The following ESR1 variants were observed in gnomAD, a reference collection of about 807,000 sequenced individuals.
ESR1 encodes the protein estrogen receptor.
ESR1 carries 12 observed loss-of-function variants against 52.7 expected under a neutral mutation model. The observed-to-expected ratio is 0.23, with a 90% CI of 0.15 to 0.37. ESR1 has a LOEUF of 0.37. ESR1 is among the 10% of genes least tolerant of loss of function. ESR1 has a pLI of 1.00. For synonymous variants in ESR1, 305 were observed against 316.8 expected (o/e 0.96, Z 0.39); for missense variants, 584 against 779.7 (o/e 0.75, Z 2.99).
chr6:151,996,420 G>A (rs148768139), intron 4 of ESR1, among the ~76,000 whole-genome samples: 121 of 152,170 alleles, frequency 8.0e-4, no homozygotes, highest in African/African-American at 2.5e-3. Flanking sequence ...TGCCTGGAAT[G>A]AGGCTCCTCT....
chr6:152,121,153 A>G (rs2051320985), intron 6 of ESR1, among the ~76,000 whole-genome samples: 1 of 152,236 alleles, frequency 6.6e-6, no homozygotes, highest in African/African-American at 2.4e-5. Flanking sequence ...TTAAAATGCC[A>G]CGAGCATCAC....
At chr6:151,679,190 TTG>T (rs1778365067) in intron 1 of ESR1, among the ~76,000 whole-genome samples, 5 of 152,034 alleles carry the variant, frequency 3.3e-5, no homozygotes, top group African/African-American at 1.2e-4. Context: ...TGTGGAAAAA[TTG>T]TTTCTTGAAT....
intron 2 of ESR1, among the ~76,000 whole-genome samples, chr6:151,714,816 T>G (rs1780900986): frequency 6.6e-6 from 1 of 152,218 alleles, no homozygotes; most frequent in Admixed American, 6.5e-5. Flanking sequence ...GTCTTTTAAC[T>G]GGGGCATTTA....
intron 1 of ESR1, among the ~76,000 whole-genome samples, chr6:151,670,545 G>A (rs568465961): frequency 1.2e-3 from 176 of 151,910 alleles, no homozygotes; most frequent in African/African-American, 4.1e-3. Flanking sequence ...TCTGTAATAT[G>A]TGAGAAAAGT....
chr6:151,770,685 G>A (rs554349639), intron 2 of ESR1, among the ~76,000 whole-genome samples: 99 of 152,112 alleles, frequency 6.5e-4, no homozygotes, highest in African/African-American at 2.4e-3. Context: ...GGCAAAAAGT[G>A]TTTATAGTAT....
At chr6:152,092,163 T>C (rs1160701684) in intron 6 of ESR1, among the ~76,000 whole-genome samples, 1 of 152,214 alleles carries the variant, frequency 6.6e-6, no homozygotes, top group Non-Finnish European at 1.5e-5. Flanking sequence ...GATAGACACA[T>C]TCTTTCTCTA....
intron 1 of ESR1, among the ~76,000 whole-genome samples, chr6:151,826,240 G>A (rs556799401): frequency 1.3e-4 from 20 of 152,284 alleles, no homozygotes; most frequent in African/African-American, 4.3e-4. Flanking sequence ...ACCTATAAGG[G>A]CAATAAAGAT....
At chr6:151,669,121 A>G (rs1304626268) in intron 1 of ESR1, among the ~76,000 whole-genome samples, 1 of 113,840 alleles carries the variant, frequency 8.8e-6, no homozygotes, top group Non-Finnish European at 1.8e-5. Flanking sequence ...GACTCACAAC[A>G]GTGGTAGGAA....
intron 2 of ESR1, among the ~76,000 whole-genome samples, chr6:151,797,920 T>C (rs572152780): frequency 6.6e-6 from 1 of 152,322 alleles, no homozygotes; most frequent in South Asian, 2.1e-4. Flanking sequence ...TTTTTAAAAT[T>C]CAAATACCTA....
chr6:151,861,370 A>T (rs1376436526), intron 2 of ESR1, among the ~76,000 whole-genome samples: 2 of 152,236 alleles, frequency 1.3e-5, no homozygotes, highest in Non-Finnish European at 2.9e-5. Context: ...AATAGATTGC[A>T]AAAAGGTAAT....
Position 152,100,049 on chromosome 6 carries a change from T to A in ESR1, c.*1083T>A. ...ACAAGAGGGAAAGTAGGGCAGAAAC[T>A]GGATACAGTTCTGAGGCACAGCCAG... On this transcript the variant is annotated 3_prime_UTR_variant, in exon 8 of 8. Transcript: ENST00000206249. 1 of 398,856 alleles carries A rather than the reference T, an allele frequency of 2.5e-6. No individual in the cohort carries two copies. The highest frequency in any genetic ancestry group is 4.4e-6 in the Non-Finnish European group (1 of 226,244). 24.7% of individuals were successfully genotyped at this position (398,856 alleles called of 1,614,324 possible). A position where few individuals can be genotyped will look rare whatever the true frequency, so the allele number is the denominator to read the frequency against.
At chr6:151,988,500 T>C (rs1177297462) in intron 4 of ESR1, among the ~76,000 whole-genome samples, 1 of 152,092 alleles carries the variant, frequency 6.6e-6, no homozygotes, top group Non-Finnish European at 1.5e-5. Flanking sequence ...TAACCAGGGT[T>C]GGGGACCCCT....
intron 2 of ESR1, among the ~76,000 whole-genome samples, chr6:151,762,531 TCA>T (rs1784736515): frequency 6.6e-6 from 1 of 152,228 alleles, no homozygotes; most frequent in South Asian, 2.1e-4. Flanking sequence ...ATGAGTTTCT[TCA>T]CTTTTCTGTG....
intron 1 of ESR1, among the ~76,000 whole-genome samples, chr6:151,823,588 A>G (rs1466210793): frequency 6.6e-6 from 1 of 152,114 alleles, no homozygotes; most frequent in Non-Finnish European, 1.5e-5. Context: ...CATCCTTTAC[A>G]TTAGGTATAT....
At chr6:151,788,456 A>T (rs968914673) in intron 2 of ESR1, among the ~76,000 whole-genome samples, 3 of 151,740 alleles carry the variant, frequency 2.0e-5, no homozygotes, top group African/African-American at 7.2e-5. Context: ...AATATAATAG[A>T]TGCTGGTGAA....
At chr6:152,059,466 A>G in intron 5 of ESR1, among the ~76,000 whole-genome samples, 1 of 152,072 alleles carries the variant, frequency 6.6e-6, no homozygotes, top group African/African-American at 2.4e-5. Context: ...AAACCATAAG[A>G]AAAACAATTA....
intron 1 of ESR1, among the ~76,000 whole-genome samples, chr6:151,827,803 A>G (rs1291489089): frequency 6.6e-6 from 1 of 152,212 alleles, no homozygotes; most frequent in African/African-American, 2.4e-5. Flanking sequence ...CATGGTAATT[A>G]AAAACCTTTG....
At chr6:151,737,479 G>A (rs1037692933) in intron 2 of ESR1, among the ~76,000 whole-genome samples, 1 of 152,128 alleles carries the variant, frequency 6.6e-6, no homozygotes, top group African/African-American at 2.4e-5. Context: ...AAAAGAAAAA[G>A]TTTCTCATAT....
chr6:151,936,712 A>G (rs529262096), intron 3 of ESR1, among the ~76,000 whole-genome samples: 5 of 152,314 alleles, frequency 3.3e-5, no homozygotes, highest in East Asian at 1.9e-4. Context: ...TTGGACATCA[A>G]TCAGTGCAGG....
Sources: gnomAD v4.1 joint callset for allele counts (sites outside exome capture counted in the v4.1 genomes callset) on GRCh38, gnomAD v4.1.1 for gene constraint, MANE v1.5 for transcripts, NCBI Gene and HGNC (gene_info 2026-07-23, HGNC 2026-07-21) for gene names.